CUL3: variants seen among roughly 807,000 people sequenced by gnomAD.
CUL3 encodes cullin 3, also known as cullin-3.
Under a neutral mutation model 89.1 loss-of-function variants are expected in CUL3, and 19 were observed. That is an observed-to-expected ratio of 0.21 (90% CI 0.15 to 0.31). The LOEUF (loss-of-function observed/expected upper bound fraction) is 0.31. CUL3 is among the 10% of genes least tolerant of loss of function. The pLI, the probability that CUL3 is intolerant of heterozygous loss-of-function variation, is 1.00. For synonymous variants in CUL3, 351 were observed against 308.4 expected, an observed-to-expected ratio of 1.14 and a Z score of -1.45; for missense variants, 469 against 942.3, an observed-to-expected ratio of 0.50 and a Z score of 6.58.
intron 1 of CUL3, 63 bp from the exon 2 acceptor site, chr2:224,557,919 GTCTT>G (rs1450963190): frequency 1.3e-5 from 12 of 941,854 alleles, no homozygotes; most frequent in Non-Finnish European, 1.9e-5. Flanking sequence ...ATGGTTGAAA[GTCTT>G]TCTATATTTG....
intron 10 of CUL3, among the ~76,000 whole-genome samples, chr2:224,501,254 G>A (rs1041947293): frequency 2.0e-5 from 3 of 151,884 alleles, no homozygotes; most frequent in Admixed American, 6.6e-5. Context: ...AAACTTTTAC[G>A]TTTTAGCATG....
At chr2:224,517,681 A>G (rs1693112401) in intron 3 of CUL3, among the ~76,000 whole-genome samples, 1 of 152,170 alleles carries the variant, frequency 6.6e-6, no homozygotes, top group Non-Finnish European at 1.5e-5. Context: ...GAAAACAAAT[A>G]GTGTACTTAT....
At position 224,472,636 on chromosome 2, in the gene CUL3, GTAGAGA is replaced by G. The variant is rs1214795525; in HGVS notation, c.*1603_*1608del. The stretch of plus-strand genomic sequence containing the variant: ...ATTGCATCATGTAGAAGTGGAAAAT[GTAGAGA>G]TAAAGAGCACAAGGCTTGTAATTCT... On this transcript the variant is annotated 3_prime_UTR_variant, in exon 16 of 16. Coordinates refer to ENST00000264414, the MANE Select transcript of CUL3 (RefSeq NM_003590.5). The G allele has an allele frequency of 6.3e-5, 12 of 190,198 alleles. No individual in the cohort carries two copies. The East Asian group carries it at 9.3e-4, about 15-fold the overall frequency. 11.8% of individuals were successfully genotyped at this position (190,198 alleles called of 1,614,324 possible). A position where few individuals can be genotyped will look rare whatever the true frequency, so the allele number is the denominator to read the frequency against.
In CUL3 at chr2:224,473,779, T is replaced by C. The variant is rs755297097; in HGVS notation, c.*466A>G. 4 of 190,448 alleles carry C rather than the reference T, an allele frequency of 2.1e-5. No homozygotes were observed. The highest frequency in any genetic ancestry group is 4.4e-5 in the Non-Finnish European group (4 of 90,608). The allele number at this position is 190,448 out of a possible 1,614,324, so 11.8% of individuals were successfully genotyped here. On this transcript the variant is annotated 3_prime_UTR_variant, in exon 16 of 16. Transcript: ENST00000264414. ...AATTAAATAAGACTAGCTAAAGAAA[T>C]GTCTTCAGAGCAAGATAACTGGGAA... is the stretch of plus-strand genomic sequence containing the variant.
rs886055683 is a variant in CUL3, at chr2:224,471,377, A to G, written c.*2868T>C. ...AAACATTAAAACTGCTTTCCAAATT[A>G]AGGAATTAAATAATATTTAGAAACC... On this transcript the variant is annotated 3_prime_UTR_variant, in exon 16 of 16. Transcript: ENST00000264414. The G allele has an allele frequency of 2.5e-5, 5 of 198,946 alleles. No individual in the cohort carries two copies. The highest frequency in any genetic ancestry group is 4.1e-5 in the Non-Finnish European group (4 of 96,424). 12.3% of individuals were successfully genotyped at this position (198,946 alleles called of 1,614,324 possible). A position where few individuals can be genotyped will look rare whatever the true frequency, so the allele number is the denominator to read the frequency against.
chr2:224,532,093 A>G (rs1693716947), intron 3 of CUL3, among the ~76,000 whole-genome samples: 1 of 152,226 alleles, frequency 6.6e-6, no homozygotes, highest in Non-Finnish European at 1.5e-5. Flanking sequence ...TTATGAGCTC[A>G]TTTGGACATG....
intron 13 of CUL3, among the ~76,000 whole-genome samples, chr2:224,482,959 C>T (rs542971021): frequency 1.3e-5 from 2 of 152,240 alleles, no homozygotes; most frequent in Non-Finnish European, 2.9e-5. Context: ...TCAGATTATA[C>T]GAGTAACTGA....
rs112567314 is a variant in CUL3 at position 224,492,608 on chromosome 2, T to C, written c.1842+3224A>G. ...ATGTATTTCCTATTTTTAGCTGTTC[T>C]AAATCACAATAAACTTACCTTTAGT... On this transcript the variant is annotated intron_variant, in intron 13 of 15. Transcript: ENST00000264414. Among the ~76,000 whole-genome samples the C allele has an allele frequency of 2.0e-3, 305 of 152,326 alleles. 1 individual carries two copies. Among genetic ancestry groups the C allele is most frequent in the Non-Finnish European group, 3.8e-3 (261 of 68,022 alleles).
chr2:224,500,456 C>T lies in CUL3; in HGVS notation c.1517G>A (p.Arg506Gln), dbSNP rs1180155404. The T allele has an allele frequency of 1.9e-6, 3 of 1,613,794 alleles. No homozygotes were observed. Among genetic ancestry groups the T allele is most frequent in the Non-Finnish European group, 2.5e-6 (3 of 1,179,888 alleles). Residue 506 changes from arginine to glutamine, a missense_variant, in exon 11 of 16, where the codon CGG (arginine) becomes CAG (glutamine). Coordinates refer to ENST00000264414, the MANE Select transcript of CUL3 (RefSeq NM_003590.5). ...VSLGGVDLTV[R>Q]VLTTGYWPTQ... is the part of the protein sequence containing the mutation. ...GGGCCAATATCCTGTCGTGAGCACCCGGACTGTAAGATCAACACCACCTAA... is the reference window on the plus strand; with the variant it reads ...GGGCCAATATCCTGTCGTGAGCACCTGGACTGTAAGATCAACACCACCTAA...
In CUL3 at chr2:224,485,713, G is replaced by T. The variant is rs1691692213; in HGVS notation, c.1843-3635C>A. Reference sequence around the variant, plus strand: ...CAGAATTAAATGTTCTTGCCTGCTGGCTCTGAAGAGAGCAGTGGATCCCAC... The same window carrying T: ...CAGAATTAAATGTTCTTGCCTGCTGTCTCTGAAGAGAGCAGTGGATCCCAC... On this transcript the variant is annotated intron_variant, in intron 13 of 15. Coordinates refer to ENST00000264414, the MANE Select transcript of CUL3 (RefSeq NM_003590.5). This position sits in a 1 kb window ranked among gnomAD's most constrained non-coding sequence, Gnocchi z 4.1. Among the ~76,000 whole-genome samples, 3 of 152,200 alleles carry T rather than the reference G, an allele frequency of 2.0e-5. No individual in the cohort carries two copies. The South Asian group carries it at 6.2e-4, about 32-fold the overall frequency.
At chr2:224,541,219 TAA>T (rs569556654) in intron 2 of CUL3, among the ~76,000 whole-genome samples, 18 of 138,072 alleles carry the variant, frequency 1.3e-4, no homozygotes, top group African/African-American at 4.1e-4. Flanking sequence ...CAGAACATAT[TAA>T]AAAAAAAAAA....
chr2:224,580,105 C>T (rs1314506393), intron 1 of CUL3, among the ~76,000 whole-genome samples: 3 of 152,198 alleles, frequency 2.0e-5, no homozygotes, highest in Non-Finnish European at 4.4e-5. Flanking sequence ...TTCACAATTA[C>T]AGCCTGCTTT....
In CUL3 at chr2:224,558,988, A is replaced by G. The variant is rs922249402; in HGVS notation, c.67-1132T>C. ...GGAGAATGGTGTGAGCCCGGGAGGC[A>G]GAGCTTGCAGTGAGCCAAGATCCCG... On this transcript the variant is annotated intron_variant, in intron 1 of 15. Transcript: ENST00000264414. Among the ~76,000 whole-genome samples the G allele has an allele frequency of 2.9e-4, 44 of 151,782 alleles. 1 individual carries two copies. The highest frequency in any genetic ancestry group is 3.9e-4 in the Admixed American group (6 of 15,274).
At chr2:224,503,374 A>G (rs1474098982) in intron 9 of CUL3, among the ~76,000 whole-genome samples, 1 of 152,210 alleles carries the variant, frequency 6.6e-6, no homozygotes, top group Non-Finnish European at 1.5e-5. Flanking sequence ...AAAGAACTAC[A>G]CAGCATAGCC....
rs1553523940 is a variant in CUL3, at chr2:224,514,656, TAG to T, written c.493_494del (p.Leu165IlefsTer37). 1 of 1,613,552 alleles carries T rather than the reference TAG, an allele frequency of 6.2e-7. No homozygotes were observed. The highest frequency in any genetic ancestry group is 1.7e-5 in the Admixed American group (1 of 59,994). ...GCIRDHLRQT[L>X]LDMIARERKG... is the part of the protein sequence containing the mutation. ...TCCGCTCTCTTGCAATCATATCCAATAGAGTTTGCCGTAGATGATCCCTAATA... is the reference window on the plus strand; with the variant it reads ...TCCGCTCTCTTGCAATCATATCCAATAGTTTGCCGTAGATGATCCCTAATA... On this transcript the variant is annotated frameshift_variant, in exon 4 of 16. Coordinates refer to ENST00000264414, the MANE Select transcript of CUL3 (RefSeq NM_003590.5). LOFTEE classifies it high-confidence loss of function.
In CUL3 at chr2:224,483,164, T is replaced by C. The variant is rs547727516; in HGVS notation, c.1843-1086A>G. Reference sequence around the variant, plus strand: ...TAGTATAAATGCTAATCCCAGAAAATAGGTGCTATTATTAGAATGAAGATG... The same window carrying C: ...TAGTATAAATGCTAATCCCAGAAAACAGGTGCTATTATTAGAATGAAGATG... On this transcript the variant is annotated intron_variant, in intron 13 of 15. Transcript: ENST00000264414. 4.6e-5 allele frequency among the ~76,000 whole-genome samples: 7 copies of C among 152,286 alleles called. No individual in the cohort carries two copies. The East Asian group carries it at 1.2e-3, about 25-fold the overall frequency.
At chr2:224,494,382 G>A (rs775828521) in intron 13 of CUL3, among the ~76,000 whole-genome samples, 1 of 151,666 alleles carries the variant, frequency 6.6e-6, no homozygotes, top group Non-Finnish European at 1.5e-5. Context: ...TAAATGTACA[G>A]GAAAAGACTA....
At chr2:224,488,880 C>T (rs1039346040) in intron 13 of CUL3, among the ~76,000 whole-genome samples, 41 of 152,218 alleles carry the variant, frequency 2.7e-4, no homozygotes, top group African/African-American at 8.9e-4. Context: ...ACTGGCAAAC[C>T]GAATCCAGCA....
At chr2:224,539,067 C>CA (rs1177508791) in intron 2 of CUL3, among the ~76,000 whole-genome samples, 5 of 151,924 alleles carry the variant, frequency 3.3e-5, no homozygotes, top group African/African-American at 9.7e-5. Context: ...AAAGTATTTG[C>CA]AAAAGACAAA....
Sources: gnomAD v4.1 joint callset for allele counts (sites outside exome capture counted in the v4.1 genomes callset) on GRCh38, gnomAD v4.1.1 for gene constraint, Gnocchi (gnomAD v3.1) non-coding constraint, MANE v1.5 for transcripts, NCBI Gene and HGNC (gene_info 2026-07-23, HGNC 2026-07-21) for gene names.